Variants in PDE4D observed in about 807,000 individuals in gnomAD.
PDE4D encodes 3',5'-cyclic-AMP phosphodiesterase 4D.
PDE4D carries 24 observed loss-of-function variants against 87.4 expected under a neutral mutation model. That is an observed-to-expected ratio of 0.27 (90% CI 0.20 to 0.39). PDE4D has a LOEUF of 0.39. Among genes scored for constraint, PDE4D ranks in the 10% least tolerant of loss-of-function variants. The probability of loss-of-function intolerance (pLI) is 1.00; values close to 1 mark genes in which losing one functional copy is unlikely to be tolerated. For missense variants in PDE4D, 714 were observed against 1,041.0 expected (o/e 0.69, Z 4.32); for synonymous variants, 384 against 383.2 (o/e 1.00, Z -0.02).
intron 1 of PDE4D, among the ~76,000 whole-genome samples, chr5:59,705,593 T>C (rs566423766): frequency 6.6e-6 from 1 of 152,282 alleles, no homozygotes; most frequent in Admixed American, 6.5e-5. Flanking sequence ...TTCATAACAA[T>C]CCTAATAAAA....
chr5:60,268,088 A>G (rs771716324), intron 1 of PDE4D, among the ~76,000 whole-genome samples: 4 of 152,196 alleles, frequency 2.6e-5, no homozygotes, highest in Non-Finnish European at 5.9e-5. Context: ...GAGAACCGCT[A>G]CAGCACCAAG....
At chr5:59,722,571 C>T (rs1159781160) in intron 1 of PDE4D, among the ~76,000 whole-genome samples, 3 of 152,008 alleles carry the variant, frequency 2.0e-5, no homozygotes. Context: ...TTTCCTATGT[C>T]TTTAAAAATT....
intron 1 of PDE4D, among the ~76,000 whole-genome samples, chr5:59,714,218 T>C (rs1754654273): frequency 1.3e-5 from 2 of 152,212 alleles, no homozygotes; most frequent in Non-Finnish European, 2.9e-5. Context: ...AGAAAATCGA[T>C]AAGCAGCCCA....
chr5:59,242,715 G>C (rs942208643), intron 1 of PDE4D, among the ~76,000 whole-genome samples: 2 of 152,112 alleles, frequency 1.3e-5, no homozygotes, highest in African/African-American at 4.8e-5. Flanking sequence ...TAAATCATTT[G>C]CATGGCTTAT....
intron 2 of PDE4D, among the ~76,000 whole-genome samples, chr5:60,140,042 G>A (rs1780394882): frequency 6.6e-6 from 1 of 151,708 alleles, no homozygotes; most frequent in Non-Finnish European, 1.5e-5. Flanking sequence ...TCTTTTTTAT[G>A]TACTTAATAA....
At chr5:59,986,713 T>C (rs537893641) in intron 3 of PDE4D, 15 of 152,276 alleles carry the variant, frequency 9.9e-5, no homozygotes, top group African/African-American at 3.4e-4. Flanking sequence ...ATTCTCTAAA[T>C]GGTAAGACTG....
intron 1 of PDE4D, among the ~76,000 whole-genome samples, chr5:59,465,502 A>G (rs1562237685): frequency 6.6e-6 from 1 of 152,174 alleles, no homozygotes; most frequent in Non-Finnish European, 1.5e-5. Flanking sequence ...GTGTATATTT[A>G]CTACACAACA....
At chr5:59,061,426 T>A (rs985684406) in intron 5 of PDE4D, among the ~76,000 whole-genome samples, 1 of 152,108 alleles carries the variant, frequency 6.6e-6, no homozygotes, top group Non-Finnish European at 1.5e-5. Context: ...TGCCCCTCAA[T>A]ATAAATCTGT....
intron 3 of PDE4D, among the ~76,000 whole-genome samples, chr5:59,902,733 G>C (rs1353793386): frequency 6.6e-6 from 1 of 152,284 alleles, no homozygotes; most frequent in South Asian, 2.1e-4. Context: ...AACTAAGTGG[G>C]ATAGGAAGAG....
At chr5:59,956,684 T>TA (rs1348400219) in intron 3 of PDE4D, among the ~76,000 whole-genome samples, 3 of 152,210 alleles carry the variant, frequency 2.0e-5, no homozygotes, top group Admixed American at 2.0e-4. Flanking sequence ...AAGCTTGTGA[T>TA]AAAAATGCTT....
intron 3 of PDE4D, chr5:59,987,029 C>T (rs1762517790): frequency 6.6e-6 from 1 of 152,144 alleles, no homozygotes; most frequent in South Asian, 2.1e-4. Context: ...CTACCTTTCC[C>T]TTTGCTTATT....
intron 1 of PDE4D, among the ~76,000 whole-genome samples, chr5:59,748,361 T>C (rs1202542362): frequency 6.6e-6 from 1 of 152,130 alleles, no homozygotes; most frequent in Admixed American, 6.6e-5. Flanking sequence ...TGTATGTTTA[T>C]TGCAGCACTA....
intron 1 of PDE4D, among the ~76,000 whole-genome samples, chr5:60,476,306 G>A (rs946387800): frequency 1.3e-5 from 2 of 152,188 alleles, no homozygotes; most frequent in African/African-American, 4.8e-5. Context: ...CCACAGGCTC[G>A]ACTTGGCAGA....
chr5:59,932,208 C>T (rs1756043745), intron 3 of PDE4D, among the ~76,000 whole-genome samples: 1 of 152,156 alleles, frequency 6.6e-6, no homozygotes, highest in Non-Finnish European at 1.5e-5. Context: ...ATTTTTATAA[C>T]TTAAGTTGTC....
chr5:59,420,374 T>C (rs1794281245), intron 1 of PDE4D, among the ~76,000 whole-genome samples: 1 of 152,188 alleles, frequency 6.6e-6, no homozygotes. Flanking sequence ...CTCATCTTCC[T>C]ACTTTATTTT....
intron 2 of PDE4D, among the ~76,000 whole-genome samples, chr5:59,991,555 C>A (rs1362859638): frequency 1.3e-5 from 2 of 152,050 alleles, no homozygotes; most frequent in African/African-American, 4.8e-5. Context: ...CTTAACCTTG[C>A]TGGTCTTTAG....
intron 5 of PDE4D, among the ~76,000 whole-genome samples, chr5:59,095,704 T>A (rs1769581694): frequency 6.6e-6 from 1 of 152,216 alleles, no homozygotes; most frequent in Non-Finnish European, 1.5e-5. Context: ...TTGCACAATA[T>A]GCTGAAATGT....
intron 1 of PDE4D, among the ~76,000 whole-genome samples, chr5:60,520,596 T>C (rs1055050205): frequency 3.3e-5 from 5 of 152,302 alleles, no homozygotes; most frequent in Admixed American, 1.3e-4. Context: ...TAGTGGCCCA[T>C]GGCTTGTGGC....
chr5:59,368,176 CCA>C (rs1348894742), intron 1 of PDE4D, among the ~76,000 whole-genome samples: 1 of 152,168 alleles, frequency 6.6e-6, no homozygotes, highest in Non-Finnish European at 1.5e-5. Flanking sequence ...CATAAATATT[CCA>C]CAGAGTTGTG....
Sources: allele counts gnomAD v4.1 joint callset (sites outside exome capture counted in the v4.1 genomes callset), GRCh38; gene constraint gnomAD v4.1.1; transcripts MANE v1.5; gene names NCBI Gene and HGNC (gene_info 2026-07-23, HGNC 2026-07-21).